Variants in GRIK2 observed in about 807,000 individuals in gnomAD.
The protein encoded by GRIK2 is glutamate receptor ionotropic, kainate 2.
Under a neutral mutation model 100.3 loss-of-function variants are expected in GRIK2, and 32 were observed. The ratio of observed to expected loss-of-function variants is 0.32; its 90% confidence interval spans 0.24 to 0.43. The LOEUF is 0.43. GRIK2 is among the 20% of genes least tolerant of loss of function. The pLI, the probability that GRIK2 is intolerant of heterozygous loss-of-function variation, is 1.00. For synonymous variants in GRIK2, 417 were observed against 389.4 expected, an observed-to-expected ratio of 1.07 and a Z score of -0.83; for missense variants, 843 against 1,114.9, an observed-to-expected ratio of 0.76 and a Z score of 3.47.
intron 2 of GRIK2, among the ~76,000 whole-genome samples, chr6:101,459,104 A>G (rs1277905592): frequency 6.8e-5 from 1 of 14,664 alleles, no homozygotes; most frequent in Non-Finnish European, 1.1e-4. Context: ...TCCCCAGAAC[A>G]CCATTTTTTT....
chr6:101,622,000 C>T lies in GRIK2; in HGVS notation c.167C>T (p.Ala56Val). ...GGCCCAATGGGAGCTGAGGAACTTG[C>T]ATTCAGATTTGCTGTGAACACAATT... is the stretch of plus-strand genomic sequence containing the variant. ...ESGPMGAEEL[A>V]FRFAVNTINR... The change falls in exon 3 of 17, where the codon GCA becomes GTA. Residue 56 changes from alanine to valine, a missense_variant. Ala to Val is a moderately conservative substitution (Grantham distance 64). Transcript: ENST00000369134. 1 of 1,608,440 alleles carries T rather than the reference C, an allele frequency of 6.2e-7. No individual in the cohort carries two copies. The highest frequency in any genetic ancestry group is 2.2e-5 in the East Asian group (1 of 44,754).
intron 2 of GRIK2, among the ~76,000 whole-genome samples, chr6:101,444,976 A>T (rs1013982331): frequency 1.3e-4 from 19 of 151,994 alleles, no homozygotes; most frequent in Non-Finnish European, 1.9e-4. Context: ...CTTAGATTTA[A>T]TTTTTTTCTC....
At chr6:101,465,989 A>G (rs1419041537) in intron 2 of GRIK2, among the ~76,000 whole-genome samples, 1 of 152,236 alleles carries the variant, frequency 6.6e-6, no homozygotes, top group East Asian at 1.9e-4. Flanking sequence ...AAACAAGAAC[A>G]AGAACAACAA....
At chr6:101,998,465 A>C (rs1270900578) in intron 14 of GRIK2, among the ~76,000 whole-genome samples, 1 of 151,998 alleles carries the variant, frequency 6.6e-6, no homozygotes, top group African/African-American at 2.4e-5. Context: ...GAATCACTCA[A>C]GTTTAATGAA....
At chr6:101,711,863 AT>A (rs1043639068) in intron 7 of GRIK2, among the ~76,000 whole-genome samples, 1 of 151,730 alleles carries the variant, frequency 6.6e-6, no homozygotes, top group Non-Finnish European at 1.5e-5. Context: ...AGTAAATAAC[AT>A]TTTTTTCCTC....
intron 3 of GRIK2, 68 bp downstream of exon 3, chr6:101,622,184 T>G (rs1780196949): frequency 1.0e-6 from 1 of 969,210 alleles, no homozygotes; most frequent in South Asian, 1.6e-5. Flanking sequence ...TAAGAGATTT[T>G]TTTATTTTTC....
intron 7 of GRIK2, among the ~76,000 whole-genome samples, chr6:101,799,027 G>A (rs986422187): frequency 2.0e-5 from 3 of 151,924 alleles, no homozygotes; most frequent in Non-Finnish European, 4.4e-5. Flanking sequence ...TTGAAAAGCG[G>A]GTAATACAGC....
intron 14 of GRIK2, among the ~76,000 whole-genome samples, chr6:101,932,156 C>A (rs191185452): frequency 1.1e-4 from 17 of 152,082 alleles, no homozygotes; most frequent in Non-Finnish European, 2.2e-4. Context: ...CTATGAAATC[C>A]ATGACTCAAG....
intron 2 of GRIK2, among the ~76,000 whole-genome samples, chr6:101,460,536 G>T (rs1187278296): frequency 6.6e-6 from 1 of 152,204 alleles, no homozygotes; most frequent in Non-Finnish European, 1.5e-5. Context: ...AAATTGGCTA[G>T]AATAGTCCTT....
At chr6:101,776,992 T>G (rs1002732608) in intron 7 of GRIK2, among the ~76,000 whole-genome samples, 3 of 152,200 alleles carry the variant, frequency 2.0e-5, no homozygotes, top group Non-Finnish European at 4.4e-5. Context: ...CTGGTGATCA[T>G]CGCCATCATC....
At chr6:101,494,486 TA>T (rs1255619176) in intron 2 of GRIK2, among the ~76,000 whole-genome samples, 4 of 152,042 alleles carry the variant, frequency 2.6e-5, no homozygotes, top group Non-Finnish European at 5.9e-5. Flanking sequence ...ACTTGAAGTT[TA>T]AAAACTTTAA....
intron 7 of GRIK2, among the ~76,000 whole-genome samples, chr6:101,787,057 G>A (rs933070662): frequency 1.1e-4 from 16 of 152,034 alleles, no homozygotes; most frequent in African/African-American, 3.4e-4. Context: ...TAGGTTGTAT[G>A]TGTCTAAAAA....
At chr6:101,777,082 C>G (rs1482441067) in intron 7 of GRIK2, among the ~76,000 whole-genome samples, 1 of 152,182 alleles carries the variant, frequency 6.6e-6, no homozygotes, top group Non-Finnish European at 1.5e-5. Flanking sequence ...TCTGTGTAGT[C>G]CACGCAGCTG....
chr6:101,575,100 C>T (rs1349111495), intron 2 of GRIK2, among the ~76,000 whole-genome samples: 1 of 151,404 alleles, frequency 6.6e-6, no homozygotes, highest in Non-Finnish European at 1.5e-5. Context: ...ATTTTATTGC[C>T]TCTTACCTGT....
intron 2 of GRIK2, among the ~76,000 whole-genome samples, chr6:101,442,497 A>G (rs1770129241): frequency 6.6e-6 from 1 of 152,098 alleles, no homozygotes; most frequent in Non-Finnish European, 1.5e-5. Flanking sequence ...TCCGAACCTT[A>G]ATACTTGCCT....
chr6:101,758,858 A>T (rs1777304619), intron 7 of GRIK2, among the ~76,000 whole-genome samples: 1 of 150,860 alleles, frequency 6.6e-6, no homozygotes, highest in African/African-American at 2.4e-5. Context: ...TTTGGAGACA[A>T]AATAAATAAA....
chr6:101,760,714 AATTAT>A (rs1378106996), intron 7 of GRIK2, among the ~76,000 whole-genome samples: 1 of 102,542 alleles, frequency 9.8e-6, no homozygotes, highest in African/African-American at 4.7e-5. Context: ...TTATATATTT[AATTAT>A]ATTTAATTAT....
At chr6:101,605,193 C>A (rs1779388326) in intron 2 of GRIK2, among the ~76,000 whole-genome samples, 1 of 151,916 alleles carries the variant, frequency 6.6e-6, no homozygotes, top group Non-Finnish European at 1.5e-5. Flanking sequence ...GAATTTAAGT[C>A]CTGGCTATAT....
chr6:101,851,424 A>T (rs1369052548), intron 10 of GRIK2, among the ~76,000 whole-genome samples: 1 of 152,042 alleles, frequency 6.6e-6, no homozygotes, highest in Non-Finnish European at 1.5e-5. Context: ...CCAGTGTTCA[A>T]GTCAGTTTCT....
Sources: gnomAD v4.1 joint callset for allele counts (sites outside exome capture counted in the v4.1 genomes callset) on GRCh38, gnomAD v4.1.1 for gene constraint, MANE v1.5 for transcripts, NCBI Gene and HGNC (gene_info 2026-07-23, HGNC 2026-07-21) for gene names.